Variants in SLC35F4 observed in about 807,000 individuals in gnomAD.
SLC35F4 encodes the protein solute carrier family 35 member F4.
A neutral mutation model predicts 44.2 loss-of-function variants in SLC35F4; 24 were observed. The observed-to-expected ratio is 0.54, with a 90% CI of 0.39 to 0.76. The LOEUF (loss-of-function observed/expected upper bound fraction) is 0.76. SLC35F4 is among the 30% of genes least tolerant of loss of function. The pLI is 0.00. For missense variants in SLC35F4, 562 were observed against 586.1 expected (o/e 0.96, Z 0.42); for synonymous variants, 238 against 223.6 (o/e 1.06, Z -0.57).
Position 57,787,023 on chromosome 14 carries a change from G to A in SLC35F4, c.103+78700C>T, listed in dbSNP as rs183606161. On this transcript the variant is annotated intron_variant, in intron 1 of 7. Transcript: ENST00000556826. ...CAAGGAAATCCAAAAAACGATACAA[G>A]AAGTGAAGGGAGAAATATTCAAGGA... is the stretch of plus-strand genomic sequence containing the variant. Among the ~76,000 whole-genome samples, 22 of 152,262 alleles carry A rather than the reference G, an allele frequency of 1.4e-4. No homozygotes were observed. The East Asian group carries it at 3.5e-3, about 24-fold the overall frequency.
chr14:57,857,605 AAAAT>A lies in SLC35F4; in HGVS notation c.103+8114_103+8117del, dbSNP rs575375580. Reference sequence around the variant, plus strand: ...CAAAATATACCACTTTGCCTAAAATAAAATAAATAAAGATAAATTCCCTGCTCTC... The same window carrying A: ...CAAAATATACCACTTTGCCTAAAATAAAATAAAGATAAATTCCCTGCTCTC... On this transcript the variant is annotated intron_variant, in intron 1 of 7. Transcript: ENST00000556826. 1.8e-4 allele frequency among the ~76,000 whole-genome samples: 27 copies of A among 152,230 alleles called. 1 individual carries two copies. In the South Asian group the frequency reaches 4.1e-3, roughly 23 times the overall value.
At chr14:57,972,489 T>C (rs542148263), downstream of SLC35F4, among the ~76,000 whole-genome samples, 17 of 151,208 alleles carry the variant, frequency 1.1e-4, no homozygotes, top group African/African-American at 3.4e-4. Context: ...AAATAGTAAG[T>C]GGCTTTGGTA....
rs145274185 is a variant in SLC35F4, at chr14:57,711,348, A to G, written c.104-117224T>C. On this transcript the variant is annotated intron_variant, in intron 1 of 7. Coordinates refer to ENST00000556826, the MANE Select transcript of SLC35F4 (RefSeq NM_001306087.2). ...AGTCAATTAAGCCTCTTTCCTTTAT[A>G]AATTACCTAGTCTCGGGTATTTCTT... is the stretch of plus-strand genomic sequence containing the variant. Among the ~76,000 whole-genome samples the G allele has an allele frequency of 2.0e-3, 308 of 152,204 alleles. 2 individuals are homozygous for G. Among genetic ancestry groups the G allele is most frequent in the African/African-American group, 7.1e-3 (295 of 41,508 alleles).
Position 57,744,221 on chromosome 14 carries a change from G to A in SLC35F4, c.103+121502C>T, listed in dbSNP as rs570553705. 2.0e-5 allele frequency among the ~76,000 whole-genome samples: 3 copies of A among 152,268 alleles called. No homozygotes were observed. The East Asian group carries it at 5.8e-4, about 29-fold the overall frequency. On this transcript the variant is annotated intron_variant, in intron 1 of 7. Coordinates refer to ENST00000556826, the MANE Select transcript of SLC35F4 (RefSeq NM_001306087.2). ...ATTCAACATAGTGTTGGAAGTTCTG[G>A]CCAGGGTAATCAGGCAGGAGAAAGA...
intron 1 of SLC35F4, among the ~76,000 whole-genome samples, chr14:57,701,820 G>A (rs978719609): frequency 3.9e-5 from 6 of 152,092 alleles, no homozygotes; most frequent in African/African-American, 9.7e-5. Flanking sequence ...ATATGAATGC[G>A]ATGCCTCTCA....
At chr14:57,795,285 T>C (rs2078028103) in intron 1 of SLC35F4, among the ~76,000 whole-genome samples, 1 of 152,224 alleles carries the variant, frequency 6.6e-6, no homozygotes, top group Admixed American at 6.6e-5. Context: ...TAAAAGTTTT[T>C]GTTCTGTCTA....
At chr14:57,667,647 C>G (rs558451625) in intron 1 of SLC35F4, among the ~76,000 whole-genome samples, 2 of 151,812 alleles carry the variant, frequency 1.3e-5, no homozygotes, top group East Asian at 3.9e-4. Context: ...ATCCATGTCC[C>G]TACAAAGGAC....
At chr14:57,913,614 C>A (rs73298654) in intron 1 of SLC35F4, among the ~76,000 whole-genome samples, 8,601 of 152,190 alleles carry the variant, frequency 0.057, 282 homozygotes, top group African/African-American at 0.088. Flanking sequence ...TTCCTTTAAT[C>A]ATTGTTGTCA....
intron 1 of SLC35F4, among the ~76,000 whole-genome samples, chr14:57,941,827 A>G (rs1161018801): frequency 1.3e-5 from 2 of 152,210 alleles, no homozygotes; most frequent in African/African-American, 4.8e-5. Flanking sequence ...GAGACTAGCA[A>G]AATGCCTGAT....
At chr14:57,605,726 T>C (rs2071120786) in intron 1 of SLC35F4, among the ~76,000 whole-genome samples, 1 of 151,486 alleles carries the variant, frequency 6.6e-6, no homozygotes, top group African/African-American at 2.4e-5. Flanking sequence ...CAGTAGTGGG[T>C]TGGATTTAAA....
intron 1 of SLC35F4, among the ~76,000 whole-genome samples, chr14:57,758,000 C>CAT (rs368185041): frequency 0.073 from 7,001 of 95,978 alleles, 203 homozygotes; most frequent in East Asian, 0.16. Context: ...ATTATAGGTT[C>CAT]ATGTGTGTGT....
chr14:57,612,033 C>T (rs965869350), intron 1 of SLC35F4, among the ~76,000 whole-genome samples: 3 of 152,160 alleles, frequency 2.0e-5, no homozygotes, highest in African/African-American at 7.2e-5. Flanking sequence ...TGACAATGTC[C>T]TCACTGTGGT....
At chr14:57,630,056 G>T (rs185892428) in intron 1 of SLC35F4, 6 of 539,444 alleles carry the variant, frequency 1.1e-5, no homozygotes, top group African/African-American at 7.7e-5. Context: ...TGTCCAAGAG[G>T]ATTTGCTTAT....
intron 1 of SLC35F4, among the ~76,000 whole-genome samples, chr14:57,632,072 T>A (rs1272636830): frequency 2.6e-5 from 4 of 152,170 alleles, no homozygotes; most frequent in African/African-American, 9.6e-5. Flanking sequence ...ATAGTATTTC[T>A]AACTTTCATT....
intron 1 of SLC35F4, among the ~76,000 whole-genome samples, chr14:57,887,061 C>T (rs927619448): frequency 6.6e-6 from 1 of 152,122 alleles, no homozygotes; most frequent in African/African-American, 2.4e-5. Flanking sequence ...GGTCTGTATG[C>T]ACAGAGGCCT....
At chr14:57,776,988 AAC>A (rs937389682) in intron 1 of SLC35F4, among the ~76,000 whole-genome samples, 1 of 152,236 alleles carries the variant, frequency 6.6e-6, no homozygotes, top group East Asian at 1.9e-4. Context: ...GCCACTAAAA[AAC>A]ACACTTAAGT....
chr14:57,680,195 C>T (rs147869242), intron 1 of SLC35F4, among the ~76,000 whole-genome samples: 2,690 of 152,208 alleles, frequency 0.018, 43 homozygotes, highest in Middle Eastern at 0.054. Flanking sequence ...CAGCGTCATC[C>T]GTGGGATGCA....
chr14:57,743,541 T>C (rs1222057741), intron 1 of SLC35F4, among the ~76,000 whole-genome samples: 3 of 152,160 alleles, frequency 2.0e-5, no homozygotes, highest in Non-Finnish European at 4.4e-5. Flanking sequence ...GTTGAATCCC[T>C]GAATAGACTA....
intron 1 of SLC35F4, among the ~76,000 whole-genome samples, chr14:57,797,036 T>C (rs950443066): frequency 2.6e-5 from 4 of 152,208 alleles, no homozygotes; most frequent in South Asian, 2.1e-4. Flanking sequence ...TCAGGGCTCC[T>C]TCCTACACAG....
Sources: gnomAD v4.1 joint callset for allele counts (sites outside exome capture counted in the v4.1 genomes callset) on GRCh38, gnomAD v4.1.1 for gene constraint, MANE v1.5 for transcripts, NCBI Gene and HGNC (gene_info 2026-07-23, HGNC 2026-07-21) for gene names.